Variants in OPN1LW observed in about 807,000 individuals in gnomAD.
The protein encoded by OPN1LW is long-wave-sensitive opsin 1.
A neutral mutation model predicts 18.1 loss-of-function variants in OPN1LW; 4 were observed. The observed-to-expected ratio is 0.22, with a 90% confidence interval of 0.11 to 0.51. OPN1LW has a LOEUF of 0.51. OPN1LW is among the 20% of genes least tolerant of loss of function. The pLI, the probability that OPN1LW is intolerant of heterozygous loss-of-function variation, is 0.97. For synonymous variants in OPN1LW, 86 were observed against 101.2 expected (o/e 0.85, Z 0.90); for missense variants, 164 against 234.9 (o/e 0.70, Z 1.97).
intron 2 of OPN1LW, 92 bp downstream of exon 2, chrX:154,151,044 C>T (rs782400320): frequency 6.2e-6 from 7 of 1,133,017 alleles, no homozygotes; most frequent in South Asian, 1.8e-5. Context: ...CCCAGCTGCT[C>T]CTGTAGGCCT....
At chrX:154,149,040 C>T (rs1417075401) in intron 1 of OPN1LW, among the ~76,000 whole-genome samples, 1 of 102,483 alleles carries the variant, frequency 9.8e-6, no homozygotes, top group Non-Finnish European at 1.9e-5. Context: ...CCCGTCTCTA[C>T]TAAAAATAGA....
intron 4 of OPN1LW, among the ~76,000 whole-genome samples, chrX:154,156,068 G>A (rs1305812183): frequency 2.7e-4 from 9 of 33,036 alleles, no homozygotes; most frequent in Non-Finnish European, 5.2e-4. Flanking sequence ...GTTAGATCCA[G>A]CTCTGGGGTC....
chrX:154,149,167 T>G (rs1319763765), intron 1 of OPN1LW, among the ~76,000 whole-genome samples: 3 of 99,552 alleles, frequency 3.0e-5, no homozygotes, highest in Non-Finnish European at 5.8e-5. Context: ...ATCGTGCCAC[T>G]GCACTCCAGC....
Position 154,148,869 on chromosome X carries a change from A to C in OPN1LW, c.113-1787A>C, listed in dbSNP as rs782514911. Among the ~76,000 whole-genome samples the C allele has an allele frequency of 4.3e-4, 45 of 105,402 alleles. No individual in the cohort carries two copies. In the South Asian group the frequency reaches 0.017, roughly 39 times the overall value. The allele number at this position is 105,402 out of a possible 115,157, so 91.5% of individuals were successfully genotyped here. A position where few individuals can be genotyped will look rare whatever the true frequency, so the allele number is the denominator to read the frequency against. ...TGAGTCAAAGTCTCTGGTGAGAAAG[A>C]CAAGACTTGTACTTGTGTCTCAGTA... On this transcript the variant is annotated intron_variant, in intron 1 of 5. Transcript: ENST00000369951.
Position 154,150,844 on chromosome X carries a change from G to C in OPN1LW, c.301G>C (p.Ala101Pro). 1.7e-6 allele frequency: 2 copies of C among 1,199,754 alleles called. No individual in the cohort carries two copies. Among genetic ancestry groups the C allele is most frequent in the Non-Finnish European group, 2.2e-6 (2 of 889,702 alleles). The change falls in exon 2 of 6, where the codon GCA becomes CCA. Residue 101 changes from alanine (A) to proline (P), a missense_variant. This residue lies in a region of OPN1LW where 106 missense variants were observed against 167.7 expected (regional missense o/e 0.63). Transcript: ENST00000369951. ...GGTGAACCTGGCGGTCGCTGACCTA[G>C]CAGAGACCGTCATCGCCAGCACTAT... ...ILVNLAVADL[A>P]ETVIASTISI...
chrX:154,156,247 C>G (rs2067083648), intron 4 of OPN1LW, 47 bp from the exon 5 acceptor site: 1 of 1,177,858 alleles, frequency 8.5e-7, no homozygotes, highest in East Asian at 3.0e-5. Flanking sequence ...GGTCACCTGC[C>G]TCTTGCTGCC....
Position 154,156,383 on chromosome X carries a change from C to G in OPN1LW, c.834C>G (p.Cys278Trp), listed in dbSNP as rs781838044. 1.7e-6 allele frequency: 2 copies of G among 1,205,081 alleles called. No individual in the cohort carries two copies. The highest frequency in any genetic ancestry group is 2.2e-6 in the Non-Finnish European group (2 of 890,489). ...RMVVVMIFAY[C>W]VCWGPYTFFA... is the part of the protein sequence containing the mutation. ...TGGTGGTGATGATCTTTGCGTACTG[C>G]GTCTGCTGGGGACCCTACACCTTCT... Residue 278 changes from cysteine to tryptophan, a missense_variant, in exon 5 of 6, where the codon TGC becomes TGG. Cys to Trp is a radical substitution (Grantham distance 215, BLOSUM62 -2). Around this residue, in one of 3 missense-constraint regions of OPN1LW, gnomAD observed 53 missense variants for 50.2 expected, o/e 1.06. Transcript: ENST00000369951.
In OPN1LW at chrX:154,150,888, C is replaced by G; in HGVS notation, c.345C>G (p.Val115=). 8.4e-7 allele frequency: 1 copy of G among 1,195,643 alleles called. No homozygotes were observed. The highest frequency in any genetic ancestry group is 1.8e-5 in the South Asian group (1 of 56,338). Reference sequence around the variant, plus strand: ...GCACTATCAGCATTGTGAACCAGGTCTCTGGCTACTTCGTGCTGGGCCACC... The same window carrying G: ...GCACTATCAGCATTGTGAACCAGGTGTCTGGCTACTTCGTGCTGGGCCACC... The part of the protein sequence containing the change: ...IASTISIVNQ[V]SGYFVLGHPM... The change falls in exon 2 of 6, where the codon GTC becomes GTG. Residue 115 remains valine (V), a synonymous_variant. Coordinates refer to ENST00000369951, the MANE Select transcript of OPN1LW (RefSeq NM_020061.6).
rs367733582 is a variant in OPN1LW at position 154,149,366 on chromosome X, A to G, written c.113-1290A>G. ...AACATGGTGAAACCCCATGTCTACT[A>G]AAAGCACAAAAATTAGCTGGGTGTG... On this transcript the variant is annotated intron_variant, in intron 1 of 5. Transcript: ENST00000369951. Among the ~76,000 whole-genome samples the G allele has an allele frequency of 1.7e-4, 17 of 101,581 alleles. No individual in the cohort carries two copies. In the East Asian group the frequency reaches 4.3e-3, roughly 26 times the overall value. 88.2% of individuals were successfully genotyped at this position (101,581 alleles called of 115,157 possible).
rs2315125 is a variant in OPN1LW, at chrX:154,156,377, G to C, written c.828G>C (p.Ala276=). The change falls in exon 5 of 6, where the codon GCG becomes GCC. Residue 276 remains alanine, a synonymous_variant. Transcript: ENST00000369951. ...VTRMVVVMIF[A]YCVCWGPYTF... ...GCATGGTGGTGGTGATGATCTTTGC[G>C]TACTGCGTCTGCTGGGGACCCTACA... is the stretch of plus-strand genomic sequence containing the variant. 11 of 1,202,711 alleles carry C rather than the reference G, an allele frequency of 9.1e-6. No individual in the cohort carries two copies. The highest frequency in any genetic ancestry group is 1.8e-5 in the African/African-American group (1 of 56,938).
In OPN1LW at chrX:154,144,314, G is replaced by T; in HGVS notation, c.31G>T (p.Ala11Ser). Reference sequence around the variant, plus strand: ...CCAGCAGTGGAGCCTCCAAAGGCTCGCAGGCCGCCATCCGCAGGACAGCTA... The same window carrying T: ...CCAGCAGTGGAGCCTCCAAAGGCTCTCAGGCCGCCATCCGCAGGACAGCTA... MAQQWSLQRL[A>S]GRHPQDSYED... Residue 11 changes from alanine to serine, a missense_variant, in exon 1 of 6, where the codon GCA becomes TCA. Transcript: ENST00000369951. 1 of 1,198,453 alleles carries T rather than the reference G, an allele frequency of 8.3e-7. No individual in the cohort carries two copies.
chrX:154,148,795 A>T (rs782334035), intron 1 of OPN1LW, among the ~76,000 whole-genome samples: 4 of 105,262 alleles, frequency 3.8e-5, no homozygotes, highest in Admixed American at 9.7e-5. Flanking sequence ...TTCCTCATTC[A>T]TTTATTTTCT....
chrX:154,156,647 G>A (rs2067086690), intron 5 of OPN1LW, 114 bp downstream of exon 5: 2 of 1,069,702 alleles, frequency 1.9e-6, no homozygotes, highest in Non-Finnish European at 2.6e-6. Flanking sequence ...GCATCTGGGG[G>A]ACCCTCCAGG....
intron 4 of OPN1LW, 95 bp downstream of exon 4, chrX:154,154,834 C>T: frequency 1.4e-6 from 1 of 692,892 alleles, no homozygotes; most frequent in Admixed American, 2.9e-5. Flanking sequence ...ACTATTTTTC[C>T]AAAAATCCTT....
At position 154,154,559 on chromosome X, in the gene OPN1LW, G is replaced by T. The variant is rs782637696; in HGVS notation, c.579-15G>T. 4 of 1,154,342 alleles carry T rather than the reference G, an allele frequency of 3.5e-6. No homozygotes were observed. The highest frequency in any genetic ancestry group is 4.7e-6 in the Non-Finnish European group (4 of 855,780). Reference sequence around the variant, plus strand: ...CCACCCTGCATCAGGACTGGCTGCCGGCCCTTCTCTCCAGGTACTGGCCCC... The same window carrying T: ...CCACCCTGCATCAGGACTGGCTGCCTGCCCTTCTCTCCAGGTACTGGCCCC... On this transcript the variant is annotated splice_polypyrimidine_tract_variant and intron_variant, in intron 3 of 5. Transcript: ENST00000369951.
chrX:154,149,354 C>T (rs1368366688), intron 1 of OPN1LW, among the ~76,000 whole-genome samples: 2 of 102,021 alleles, frequency 2.0e-5, no homozygotes, highest in Non-Finnish European at 3.8e-5. Flanking sequence ...ATGGTGAAAC[C>T]CCATGTCTAC....
rs782797093 is a variant in OPN1LW at position 154,156,469 on chromosome X, C to T, written c.920C>T (p.Pro307Leu). 6.6e-6 allele frequency: 8 copies of T among 1,204,831 alleles called. No homozygotes were observed. The highest frequency in any genetic ancestry group is 2.2e-5 in the Admixed American group (1 of 45,843). ...YAFHPLMAALPAYFAKSATIY... is the reference protein window; with the variant it reads ...YAFHPLMAALLAYFAKSATIY... ...TTCCACCCTTTGATGGCTGCCCTGC[C>T]GGCCTACTTTGCCAAAAGTGCCACT... Residue 307 changes from proline (P) to leucine (L), a missense_variant, in exon 5 of 6, where the codon CCG becomes CTG. Physicochemically the swap from Pro to Leu is moderately conservative, Grantham distance 98 (BLOSUM62 -3). Around this residue, in one of 3 missense-constraint regions of OPN1LW, gnomAD observed 53 missense variants for 50.2 expected, o/e 1.06. Transcript: ENST00000369951.
chrX:154,156,654 C>A, intron 5 of OPN1LW, 121 bp downstream of exon 5: 4 of 1,077,009 alleles, frequency 3.7e-6, no homozygotes, highest in Non-Finnish European at 5.1e-6. Flanking sequence ...GGGGACCCTC[C>A]AGGGAAATGA....
intron 1 of OPN1LW, among the ~76,000 whole-genome samples, chrX:154,149,032 C>G (rs1453371131): frequency 9.8e-6 from 1 of 102,515 alleles, no homozygotes; most frequent in Non-Finnish European, 1.9e-5. Context: ...GGTGAAGCCC[C>G]GTCTCTACTA....
Sources: gnomAD v4.1 joint callset for allele counts (sites outside exome capture counted in the v4.1 genomes callset) on GRCh38, gnomAD v4.1.1 for gene constraint, gnomAD v4.1.1 regional missense constraint, MANE v1.5 for transcripts, NCBI Gene and HGNC (gene_info 2026-07-23, HGNC 2026-07-21) for gene names.